Variants in ERCC6L2 observed in about 807,000 individuals in gnomAD.
ERCC6L2 encodes the protein DNA excision repair protein ERCC-6-like 2.
A neutral mutation model predicts 132.0 loss-of-function variants in ERCC6L2; 77 were observed. That is an observed-to-expected ratio of 0.58 (90% CI 0.49 to 0.71). ERCC6L2 has a LOEUF of 0.71. ERCC6L2 is among the 30% of genes least tolerant of loss of function. The pLI is 0.00. For synonymous variants in ERCC6L2, 583 were observed against 632.4 expected, an observed-to-expected ratio of 0.92 and a Z score of 1.17; for missense variants, 1,542 against 1,837.6, an observed-to-expected ratio of 0.84 and a Z score of 2.94.
intron 2 of ERCC6L2, among the ~76,000 whole-genome samples, chr9:95,884,567 A>T (rs1827766526): frequency 6.6e-6 from 1 of 151,584 alleles, no homozygotes. Flanking sequence ...ATGATATGAA[A>T]CTGAAGTCTT....
chr9:95,912,564 G>T (rs1377886930), intron 4 of ERCC6L2, among the ~76,000 whole-genome samples: 1 of 152,072 alleles, frequency 6.6e-6, no homozygotes. Flanking sequence ...TAAAACTAGT[G>T]ATACTTCTTG....
intron 3 of ERCC6L2, among the ~76,000 whole-genome samples, chr9:95,902,603 G>A (rs1484531202): frequency 6.6e-6 from 1 of 152,084 alleles, no homozygotes; most frequent in African/African-American, 2.4e-5. Flanking sequence ...TGGATAGCAG[G>A]TAGAGCTGGA....
chr9:95,974,133 C>T (rs1832558685), intron 16 of ERCC6L2, among the ~76,000 whole-genome samples: 1 of 152,146 alleles, frequency 6.6e-6, no homozygotes, highest in African/African-American at 2.4e-5. Flanking sequence ...AATACCTATA[C>T]TTATTTATTC....
At chr9:96,004,954 T>C (rs1588047972) in intron 18 of ERCC6L2, 2 of 320,774 alleles carry the variant, frequency 6.2e-6, no homozygotes, top group East Asian at 7.9e-5. Context: ...ATTCATTCAG[T>C]CAATGAATAT....
intron 8 of ERCC6L2, 53 bp downstream of exon 8, chr9:95,922,471 T>C (rs1829915807): frequency 9.6e-7 from 1 of 1,044,046 alleles, no homozygotes; most frequent in Non-Finnish European, 1.4e-6. Context: ...GAATATTTTA[T>C]AAAGTTTTAA....
intron 11 of ERCC6L2, among the ~76,000 whole-genome samples, chr9:95,936,270 T>C (rs1830549215): frequency 2.0e-5 from 3 of 152,276 alleles, no homozygotes; most frequent in Middle Eastern, 3.4e-3. Flanking sequence ...CCAGGAAATA[T>C]ATGGAGAAAA....
chr9:95,938,803 G>A (rs1253316617), intron 11 of ERCC6L2, among the ~76,000 whole-genome samples: 1 of 151,950 alleles, frequency 6.6e-6, no homozygotes, highest in Non-Finnish European at 1.5e-5. Context: ...GGTATATTTA[G>A]GCCATTATAT....
intron 3 of ERCC6L2, among the ~76,000 whole-genome samples, chr9:95,902,462 A>G (rs192489286): frequency 6.6e-6 from 1 of 152,174 alleles, no homozygotes; most frequent in Non-Finnish European, 1.5e-5. Context: ...TAATTATTTT[A>G]TTTACTATAC....
Position 95,876,101 on chromosome 9 carries a change from C to T in ERCC6L2, c.46+17C>T. On this transcript the variant is annotated intron_variant, in intron 1 of 18. Transcript: ENST00000653738. ...CAGGCAAAGGTACCAGCTCCGCGCT[C>T]GCCCCTTACGCAGAGGCCTGTGTAC... The T allele has an allele frequency of 6.4e-7, 1 of 1,558,018 alleles. No homozygotes were observed. Among genetic ancestry groups the T allele is most frequent in the Non-Finnish European group, 8.7e-7 (1 of 1,151,076 alleles).
chr9:95,928,060 T>C lies in ERCC6L2; in HGVS notation c.1534-19T>C. ...TTTAGTTGGAACTGGTTCACTGATTTTCTGTGGTTCATTTTCAGGTCCTTC... is the reference window on the plus strand; with the variant it reads ...TTTAGTTGGAACTGGTTCACTGATTCTCTGTGGTTCATTTTCAGGTCCTTC... On this transcript the variant is annotated intron_variant, in intron 9 of 18. Coordinates refer to ENST00000653738, the MANE Select transcript of ERCC6L2 (RefSeq NM_020207.7). The C allele has an allele frequency of 6.3e-7, 1 of 1,593,786 alleles. No individual in the cohort carries two copies. The highest frequency in any genetic ancestry group is 8.6e-7 in the Non-Finnish European group (1 of 1,162,186).
intron 19 of ERCC6L2, among the ~76,000 whole-genome samples, chr9:96,028,569 G>C (rs961045784): frequency 1.3e-5 from 2 of 152,150 alleles, no homozygotes; most frequent in Non-Finnish European, 2.9e-5. Context: ...CAGAGAGGTT[G>C]TCCTCGAGTT....
intron 1 of ERCC6L2, among the ~76,000 whole-genome samples, chr9:95,878,164 CT>C (rs907621509): frequency 3.3e-5 from 5 of 152,142 alleles, no homozygotes; most frequent in Middle Eastern, 3.4e-3. Flanking sequence ...TGGTCTGACA[CT>C]TTTTTTTGTA....
At chr9:96,028,620 G>T (rs56016781) in intron 19 of ERCC6L2, among the ~76,000 whole-genome samples, 13,412 of 152,146 alleles carry the variant, frequency 0.088, 673 homozygotes, top group Admixed American at 0.1. Context: ...CCCTAATAAA[G>T]CCTGGCTGTT....
intron 6 of ERCC6L2, chr9:95,918,406 T>G (rs1829702370): frequency 2.6e-6 from 1 of 390,088 alleles, no homozygotes; most frequent in Non-Finnish European, 5.1e-6. Flanking sequence ...TTGAGAGAGA[T>G]ACTGAAGGAA....
At chr9:96,001,986 A>G (rs690152) in intron 17 of ERCC6L2, among the ~76,000 whole-genome samples, 97,383 of 152,204 alleles carry the variant, frequency 0.64, 31,849 homozygotes, top group African/African-American at 0.77. Flanking sequence ...ATTGCCGGGG[A>G]CCAGCAGGGC....
Position 95,875,859 on chromosome 9 carries a change from C to A in ERCC6L2, c.-180C>A, listed in dbSNP as rs373338065. 5.3e-4 allele frequency: 332 copies of A among 631,688 alleles called. No homozygotes were observed. The South Asian group carries it at 6.0e-3, about 11-fold the overall frequency. 39.1% of individuals were successfully genotyped at this position (631,688 alleles called of 1,614,324 possible). ...CCCGTTCTGCTTGGGTCCCCTTAGT[C>A]GCTACCTTTGCTGGGATCCCCCTCC... On this transcript the variant is annotated 5_prime_UTR_variant, in exon 1 of 19. Coordinates refer to ENST00000653738, the MANE Select transcript of ERCC6L2 (RefSeq NM_020207.7).
At chr9:95,907,313 C>A (rs1587881388) in intron 4 of ERCC6L2, 42 bp downstream of exon 4, 61 of 1,065,876 alleles carry the variant, frequency 5.7e-5, no homozygotes, top group Non-Finnish European at 7.4e-5. Context: ...TATTAATAGT[C>A]TACTTACATC....
Position 95,916,361 on chromosome 9 carries a change from A to G in ERCC6L2, c.1085A>G (p.Lys362Arg), listed in dbSNP as rs763413866. 5.0e-6 allele frequency: 8 copies of G among 1,610,402 alleles called. No homozygotes were observed. In the Admixed American group the frequency reaches 6.8e-5, roughly 14 times the overall value. Residue 362 changes from lysine to arginine, a missense_variant, in exon 6 of 19, where the codon AAA (lysine) becomes AGA (arginine). Transcript: ENST00000653738. ...TGRKAMQRLA[K>R]KMSGWFLRRT... ...CGAAAGGCCATGCAAAGACTTGCCA[A>G]AAAGATGTCTGGCTGGTTTCTCAGG...
chr9:95,952,155 A>G (rs1321380467), intron 12 of ERCC6L2, among the ~76,000 whole-genome samples: 2 of 78,514 alleles, frequency 2.5e-5, no homozygotes, highest in Non-Finnish European at 4.7e-5. Context: ...CAACAGAGTG[A>G]GACTCCATCT....
Sources: gnomAD v4.1 joint callset for allele counts (sites outside exome capture counted in the v4.1 genomes callset) on GRCh38, gnomAD v4.1.1 for gene constraint, MANE v1.5 for transcripts, NCBI Gene and HGNC (gene_info 2026-07-23, HGNC 2026-07-21) for gene names.